Variants in GPR176 observed in about 807,000 individuals in gnomAD.
The protein encoded by GPR176 is G protein-coupled receptor 176, also known as G-protein coupled receptor 176.
Under a neutral mutation model 35.4 loss-of-function variants are expected in GPR176, and 26 were observed. That is an observed-to-expected ratio of 0.74 (90% CI 0.54 to 1.02). The LOEUF is 1.02. GPR176 is among the 50% of genes least tolerant of loss of function. GPR176 has a pLI of 0.00. For missense variants in GPR176, 597 were observed against 665.3 expected, an observed-to-expected ratio of 0.90 and a Z score of 1.13; for synonymous variants, 278 against 271.3, an observed-to-expected ratio of 1.02 and a Z score of -0.24.
At chr15:39,894,704 C>G (rs1429997389) in intron 1 of GPR176, among the ~76,000 whole-genome samples, 85 of 146,664 alleles carry the variant, frequency 5.8e-4, no homozygotes, top group Non-Finnish European at 6.9e-4. Context: ...GGTGGGATGG[C>G]GGCCGGGCGG....
intron 1 of GPR176, among the ~76,000 whole-genome samples, chr15:39,884,854 T>C (rs7167236): frequency 6.6e-6 from 1 of 152,180 alleles, no homozygotes; most frequent in Non-Finnish European, 1.5e-5. Context: ...CACAAGAGTC[T>C]GGAAGGTATT....
chr15:39,839,686 C>T (rs1250440501), intron 1 of GPR176, among the ~76,000 whole-genome samples: 1 of 152,150 alleles, frequency 6.6e-6, no homozygotes, highest in African/African-American at 2.4e-5. Context: ...TCAGAGCGAA[C>T]AGGCAACCTA....
At chr15:39,806,002 C>T (rs1001229149) in intron 2 of GPR176, among the ~76,000 whole-genome samples, 1 of 152,188 alleles carries the variant, frequency 6.6e-6, no homozygotes, top group African/African-American at 2.4e-5. Context: ...GACTCTGTGT[C>T]CCTCCATGCA....
chr15:39,827,137 TC>T (rs1325689439), intron 1 of GPR176, among the ~76,000 whole-genome samples: 1 of 152,148 alleles, frequency 6.6e-6, no homozygotes, highest in Admixed American at 6.5e-5. Flanking sequence ...AACAATGTGC[TC>T]AAATATACAT....
At chr15:39,897,994 T>C (rs2033169881) in intron 1 of GPR176, among the ~76,000 whole-genome samples, 1 of 152,186 alleles carries the variant, frequency 6.6e-6, no homozygotes, top group African/African-American at 2.4e-5. Flanking sequence ...CTCCCAAGGG[T>C]GACCAATGCA....
At chr15:39,842,830 C>G (rs1439865976) in intron 1 of GPR176, among the ~76,000 whole-genome samples, 1 of 151,990 alleles carries the variant, frequency 6.6e-6, no homozygotes, top group South Asian at 2.1e-4. Flanking sequence ...GAGGTAGGCC[C>G]ACCAAAAGTC....
At chr15:39,808,963 A>G (rs1457937864) in intron 1 of GPR176, among the ~76,000 whole-genome samples, 1 of 152,196 alleles carries the variant, frequency 6.6e-6, no homozygotes, top group Non-Finnish European at 1.5e-5. Flanking sequence ...CCCAGACTAC[A>G]GTTTCTTTTA....
chr15:39,892,833 G>A (rs903392539), intron 1 of GPR176, among the ~76,000 whole-genome samples: 2 of 152,242 alleles, frequency 1.3e-5, no homozygotes, highest in African/African-American at 4.8e-5. Context: ...CTGGAACTGT[G>A]AGAAAATACA....
chr15:39,828,697 T>C (rs1053482385), intron 1 of GPR176, among the ~76,000 whole-genome samples: 1 of 152,164 alleles, frequency 6.6e-6, no homozygotes, highest in Non-Finnish European at 1.5e-5. Context: ...AAACCTGCCG[T>C]TGTTATAAAG....
At chr15:39,865,096 T>C (rs2031773675) in intron 1 of GPR176, among the ~76,000 whole-genome samples, 2 of 152,066 alleles carry the variant, frequency 1.3e-5, no homozygotes, top group African/African-American at 2.4e-5. Flanking sequence ...TTATACACTA[T>C]TGATGGGAAT....
intron 1 of GPR176, among the ~76,000 whole-genome samples, chr15:39,816,411 A>C (rs891185878): frequency 6.6e-6 from 1 of 152,226 alleles, no homozygotes; most frequent in African/African-American, 2.4e-5. Flanking sequence ...TCAATGAAAA[A>C]TATTTTTAAA....
At chr15:39,805,652 G>A (rs1464771437) in intron 2 of GPR176, among the ~76,000 whole-genome samples, 2 of 152,128 alleles carry the variant, frequency 1.3e-5, no homozygotes, top group African/African-American at 4.8e-5. Context: ...CATGGATGGT[G>A]AGATTCCAGT....
intron 1 of GPR176, among the ~76,000 whole-genome samples, chr15:39,816,687 A>C (rs2140802679): frequency 6.6e-6 from 1 of 152,340 alleles, no homozygotes; most frequent in Admixed American, 6.5e-5. Context: ...GTTTTCTAAA[A>C]TGTTATCTGA....
intron 1 of GPR176, among the ~76,000 whole-genome samples, chr15:39,914,594 G>A (rs1429296592): frequency 2.0e-5 from 3 of 152,162 alleles, no homozygotes; most frequent in Non-Finnish European, 2.9e-5. Context: ...ACAGGCATGA[G>A]CCACCACACC....
chr15:39,877,055 C>A (rs1313120096), intron 1 of GPR176, among the ~76,000 whole-genome samples: 3 of 152,056 alleles, frequency 2.0e-5, no homozygotes, highest in Admixed American at 1.3e-4. Flanking sequence ...TTATTTTATC[C>A]TATTTTTCTT....
intron 1 of GPR176, among the ~76,000 whole-genome samples, chr15:39,902,839 G>C (rs183569420): frequency 6.6e-6 from 1 of 152,178 alleles, no homozygotes. Flanking sequence ...GGGAACCAGG[G>C]AGTAAATATC....
At chr15:39,919,631 C>A (rs2033820857) in intron 1 of GPR176, among the ~76,000 whole-genome samples, 1 of 152,206 alleles carries the variant, frequency 6.6e-6, no homozygotes, top group Non-Finnish European at 1.5e-5. Context: ...CATCCTCGGG[C>A]CACGAGAAAG....
At chr15:39,802,829 T>G (rs1255897059) in intron 2 of GPR176, among the ~76,000 whole-genome samples, 1 of 152,210 alleles carries the variant, frequency 6.6e-6, no homozygotes, top group Non-Finnish European at 1.5e-5. Flanking sequence ...TCCGACAAGG[T>G]CCTTCCACAA....
At chr15:39,877,484 C>T (rs752108021) in intron 1 of GPR176, among the ~76,000 whole-genome samples, 3 of 151,678 alleles carry the variant, frequency 2.0e-5, no homozygotes, top group Non-Finnish European at 4.4e-5. Context: ...CACCTATGAA[C>T]TAGGTCGCAG....
Sources: gnomAD v4.1 joint callset for allele counts (sites outside exome capture counted in the v4.1 genomes callset) on GRCh38, gnomAD v4.1.1 for gene constraint, MANE v1.5 for transcripts, NCBI Gene and HGNC (gene_info 2026-07-23, HGNC 2026-07-21) for gene names.